Variants in DCHS2 observed in about 807,000 individuals in gnomAD.
DCHS2 encodes the protein dachsous cadherin-related 2, also known as protocadherin-23.
A neutral mutation model predicts 182.4 loss-of-function variants in DCHS2; 142 were observed. The ratio of observed to expected loss-of-function variants is 0.78; its 90% CI spans 0.68 to 0.89. DCHS2 has a LOEUF of 0.89. Ranked by LOEUF, DCHS2 falls within the 40% of genes least tolerant of loss-of-function variation. DCHS2 has a pLI of 0.00. For missense variants in DCHS2, 4,319 were observed against 4,198.6 expected (o/e 1.03, Z -0.79); for synonymous variants, 1,740 against 1,663.3 (o/e 1.05, Z -1.12).
chr4:154,287,477 A>G (rs1734456244), intron 13 of DCHS2, among the ~76,000 whole-genome samples: 1 of 152,112 alleles, frequency 6.6e-6, no homozygotes, highest in Admixed American at 6.6e-5. Context: ...AAGTTAAGGT[A>G]TAGTCTTCTT....
intron 1 of DCHS2, among the ~76,000 whole-genome samples, chr4:154,426,808 A>G (rs995287537): frequency 6.6e-6 from 1 of 152,046 alleles, no homozygotes; most frequent in Non-Finnish European, 1.5e-5. Flanking sequence ...TAAAATAACT[A>G]AAAGAGTATA....
chr4:154,251,274 A>G (rs1224888320), intron 16 of DCHS2, among the ~76,000 whole-genome samples: 2 of 152,184 alleles, frequency 1.3e-5, no homozygotes, highest in Non-Finnish European at 2.9e-5. Flanking sequence ...TACTTTTAAG[A>G]TTCATTCACA....
intron 1 of DCHS2, among the ~76,000 whole-genome samples, chr4:154,390,456 C>T (rs1273894433): frequency 2.6e-5 from 4 of 151,872 alleles, no homozygotes; most frequent in Admixed American, 2.6e-4. Context: ...AAGTAACTGG[C>T]TGACTAATGC....
intron 16 of DCHS2, among the ~76,000 whole-genome samples, chr4:154,247,129 A>G (rs1205389653): frequency 2.0e-5 from 3 of 152,246 alleles, no homozygotes; most frequent in African/African-American, 7.2e-5. Context: ...ACTATGGATG[A>G]TAAGTATAAC....
chr4:154,444,955 G>T (rs1366809730), intron 1 of DCHS2, among the ~76,000 whole-genome samples: 1 of 152,138 alleles, frequency 6.6e-6, no homozygotes, highest in African/African-American at 2.4e-5. Flanking sequence ...TTTCTACCTA[G>T]ACGACTGGTC....
At chr4:154,419,772 A>G (rs554228191) in intron 1 of DCHS2, among the ~76,000 whole-genome samples, 1 of 151,174 alleles carries the variant, frequency 6.6e-6, no homozygotes, top group African/African-American at 2.4e-5. Context: ...GGTTTCCAGG[A>G]CAGAAAGCAG....
Position 154,235,040 on chromosome 4 carries a change from A to AGAC in DCHS2, c.9609_9611dup (p.Ser3204dup). 1 of 1,614,022 alleles carries AGAC rather than the reference A, an allele frequency of 6.2e-7. No homozygotes were observed. Among genetic ancestry groups the AGAC allele is most frequent in the East Asian group, 2.2e-5 (1 of 44,814 alleles). On this transcript the variant is annotated inframe_insertion, in exon 20 of 20. Coordinates refer to ENST00000357232, the MANE Select transcript of DCHS2 (RefSeq NM_001358235.2). ...CTTCCTGATCACCTGAAATAAAGACAGACTCTTTTCTAACGTCAGCCAGGA... is the reference window on the plus strand; with the variant it reads ...CTTCCTGATCACCTGAAATAAAGACAGACGACTCTTTTCTAACGTCAGCCAGGA...
intron 1 of DCHS2, among the ~76,000 whole-genome samples, chr4:154,403,895 A>G (rs1579051362): frequency 1.3e-5 from 2 of 152,086 alleles, no homozygotes; most frequent in Admixed American, 1.3e-4. Context: ...AAGTTTACAT[A>G]CCCTTTTTAA....
At chr4:154,323,332 GCCA>G in intron 7 of DCHS2, 1 of 1,507,274 alleles carries the variant, frequency 6.6e-7, no homozygotes, top group Non-Finnish European at 8.8e-7. Flanking sequence ...AGGTCTAGCT[GCCA>G]AAAAAAAAAA....
chr4:154,375,177 GA>G (rs1011569887), intron 2 of DCHS2, among the ~76,000 whole-genome samples: 1 of 151,880 alleles, frequency 6.6e-6, no homozygotes, highest in Non-Finnish European at 1.5e-5. Context: ...CCACTAGATT[GA>G]AAAAAAGTAA....
At chr4:154,390,907 A>G (rs183318965) in intron 1 of DCHS2, among the ~76,000 whole-genome samples, 35 of 152,368 alleles carry the variant, frequency 2.3e-4, no homozygotes, top group Admixed American at 2.3e-3. Context: ...GTATATGATT[A>G]GAAAATTTTA....
intron 1 of DCHS2, among the ~76,000 whole-genome samples, chr4:154,398,899 G>A (rs1732040294): frequency 6.6e-6 from 1 of 152,228 alleles, no homozygotes; most frequent in African/African-American, 2.4e-5. Context: ...AACATTGGCA[G>A]AGGCTTTAAA....
At chr4:154,366,550 G>T (rs890958113) in intron 2 of DCHS2, 109 bp from the exon 3 acceptor site, 5 of 744,010 alleles carry the variant, frequency 6.7e-6, no homozygotes, top group Admixed American at 2.1e-5. Context: ...ATTTGAATAT[G>T]TGGGGGTTTG....
intron 16 of DCHS2, among the ~76,000 whole-genome samples, chr4:154,247,446 A>G (rs1217730889): frequency 1.3e-5 from 2 of 151,786 alleles, no homozygotes; most frequent in African/African-American, 4.8e-5. Flanking sequence ...GTTCGAGACC[A>G]GCCTGGCCAA....
chr4:154,330,120 A>G (rs1251379845), intron 5 of DCHS2, among the ~76,000 whole-genome samples: 1 of 152,216 alleles, frequency 6.6e-6, no homozygotes, highest in East Asian at 1.9e-4. Flanking sequence ...CCCATCTCAG[A>G]CATGGAATGA....
At chr4:154,284,357 C>T (rs1331661454) in intron 13 of DCHS2, 2 of 152,188 alleles carry the variant, frequency 1.3e-5, no homozygotes, top group South Asian at 2.1e-4. Flanking sequence ...ATAGAAGTCT[C>T]CCCAGATTGT....
intron 14 of DCHS2, among the ~76,000 whole-genome samples, chr4:154,268,250 C>T (rs758336650): frequency 2.1e-4 from 30 of 144,288 alleles, no homozygotes; most frequent in East Asian, 4.4e-4. Context: ...AAAAAAATAA[C>T]GCTTTACCAC....
intron 18 of DCHS2, among the ~76,000 whole-genome samples, chr4:154,239,632 C>G (rs990620779): frequency 6.6e-6 from 1 of 152,118 alleles, no homozygotes; most frequent in Non-Finnish European, 1.5e-5. Context: ...CCTCAGCCTC[C>G]AGAGTAGCTG....
At chr4:154,237,618 T>C (rs1260038133) in intron 19 of DCHS2, 1 of 153,836 alleles carries the variant, frequency 6.5e-6, no homozygotes, top group Admixed American at 6.5e-5. Flanking sequence ...GTTACTATTA[T>C]ACTATTGCTT....
Sources: allele counts gnomAD v4.1 joint callset (sites outside exome capture counted in the v4.1 genomes callset), GRCh38; gene constraint gnomAD v4.1.1; transcripts MANE v1.5; gene names NCBI Gene and HGNC (gene_info 2026-07-23, HGNC 2026-07-21).